The following FBLN7 variants were observed in gnomAD, a reference collection of about 807,000 sequenced individuals.
FBLN7 encodes fibulin-7.
Under a neutral mutation model 44.0 loss-of-function variants are expected in FBLN7, and 31 were observed. The observed-to-expected ratio is 0.70, with a 90% confidence interval of 0.53 to 0.95. The LOEUF (loss-of-function observed/expected upper bound fraction) is 0.95, where lower values mean the gene tolerates loss of function less well. Ranked by LOEUF, FBLN7 falls within the 40% of genes least tolerant of loss-of-function variation. FBLN7 has a pLI of 0.00. For missense variants in FBLN7, 573 were observed against 618.5 expected (o/e 0.93, Z 0.78); for synonymous variants, 262 against 253.4 (o/e 1.03, Z -0.32).
the FBLN7 span, among the ~76,000 whole-genome samples, chr2:112,200,641 TCTCCTGC>T: frequency 6.6e-6 from 1 of 152,152 alleles, no homozygotes; most frequent in Non-Finnish European, 1.5e-5. Flanking sequence ...TTCAAGCTAT[TCTCCTGC>T]CTCAGCCTCA....
At chr2:112,178,672 T>A (rs1477218162) in intron 4 of FBLN7, among the ~76,000 whole-genome samples, 2 of 152,172 alleles carry the variant, frequency 1.3e-5, no homozygotes, top group African/African-American at 4.8e-5. Context: ...GTAGGCTTCC[T>A]CCCCGGGATA....
chr2:112,168,988 C>T (rs1319990748), intron 3 of FBLN7, among the ~76,000 whole-genome samples: 3 of 152,108 alleles, frequency 2.0e-5, no homozygotes, highest in Non-Finnish European at 2.9e-5. Flanking sequence ...AAACAGCAGG[C>T]AGGCCAGGAG....
chr2:112,138,652 C>T lies in FBLN7; in HGVS notation c.-4C>T, dbSNP rs1274276843. On this transcript the variant is annotated 5_prime_UTR_variant, in exon 1 of 8. Transcript: ENST00000331203. ...TCCCAGGCAGCGGGATTCCGACTGG[C>T]AAGATGGTGCCCAGCTCTCCGCGCG... The T allele has an allele frequency of 1.1e-5, 17 of 1,613,866 alleles. No homozygotes were observed. Among genetic ancestry groups the T allele is most frequent in the Middle Eastern group, 1.7e-4 (1 of 5,982 alleles).
the FBLN7 span, among the ~76,000 whole-genome samples, chr2:112,220,611 C>T: frequency 2.6e-5 from 4 of 152,068 alleles, no homozygotes; most frequent in African/African-American, 9.7e-5. Flanking sequence ...CACCTGAGCT[C>T]GGGAGTTCAA....
chr2:112,207,052 T>C, the FBLN7 span, among the ~76,000 whole-genome samples: 10 of 152,382 alleles, frequency 6.6e-5, no homozygotes, highest in Admixed American at 4.6e-4. Context: ...ATTTTTAATC[T>C]ACTTCCATTA....
chr2:112,147,798 G>T (rs1680962496), intron 1 of FBLN7, among the ~76,000 whole-genome samples: 1 of 152,184 alleles, frequency 6.6e-6, no homozygotes, highest in Non-Finnish European at 1.5e-5. Flanking sequence ...TGCTGGACTT[G>T]TCAAATCACT....
At chr2:112,162,340 A>G in intron 2 of FBLN7, among the ~76,000 whole-genome samples, 1 of 145,800 alleles carries the variant, frequency 6.9e-6, no homozygotes. Context: ...TTTTTAAGGG[A>G]ATTTGCTGGG....
the FBLN7 span, chr2:112,230,818 A>G: frequency 5.9e-6 from 5 of 843,994 alleles, no homozygotes; most frequent in Non-Finnish European, 8.2e-6. Context: ...AAATACTTCT[A>G]TTTGAGAACC....
At chr2:112,166,853 C>T (rs1682187389) in intron 3 of FBLN7, among the ~76,000 whole-genome samples, 2 of 152,200 alleles carry the variant, frequency 1.3e-5, no homozygotes, top group South Asian at 4.1e-4. Flanking sequence ...CTGATAGCTG[C>T]CTCGTCCTCT....
At position 112,187,647 on chromosome 2, in the gene FBLN7, C is replaced by A; in HGVS notation, c.*141C>A. On this transcript the variant is annotated 3_prime_UTR_variant, in exon 8 of 8. Coordinates refer to ENST00000331203, the MANE Select transcript of FBLN7 (RefSeq NM_153214.3). This position sits in a 1 kb window ranked among gnomAD's most constrained non-coding sequence, Gnocchi z 5.1. ...CACCCAGGCTTCTAGGGCAGCGTTG[C>A]ACGGCGCCCCATGGAATAGCACGGA... 8.9e-7 allele frequency: 1 copy of A among 1,120,440 alleles called. No individual in the cohort carries two copies. Among genetic ancestry groups the A allele is most frequent in the Non-Finnish European group, 1.3e-6 (1 of 785,544 alleles). 69.4% of individuals were successfully genotyped at this position (1,120,440 alleles called of 1,614,324 possible).
intron 4 of FBLN7, chr2:112,178,058 G>T (rs1682812631): frequency 6.6e-6 from 1 of 151,614 alleles, no homozygotes; most frequent in Admixed American, 6.6e-5. Context: ...AATTCCAGCT[G>T]TTCAGAGGCA....
At chr2:112,158,883 T>G (rs1226266452) in intron 1 of FBLN7, among the ~76,000 whole-genome samples, 3 of 152,132 alleles carry the variant, frequency 2.0e-5, no homozygotes, top group Non-Finnish European at 4.4e-5. Flanking sequence ...CCAGGAAACC[T>G]TGAGAATTTT....
At chr2:112,162,606 G>A (rs374096825) in intron 2 of FBLN7, among the ~76,000 whole-genome samples, 76 of 152,320 alleles carry the variant, frequency 5.0e-4, no homozygotes, top group African/African-American at 1.7e-3. Context: ...AGTAGGATGT[G>A]CTTCTCGCCA....
At chr2:112,172,567 C>G (rs1479771792) in intron 3 of FBLN7, among the ~76,000 whole-genome samples, 1 of 151,388 alleles carries the variant, frequency 6.6e-6, no homozygotes, top group African/African-American at 2.4e-5. Flanking sequence ...GGATCTGTCT[C>G]AGTGCCAGCC....
chr2:112,175,050 C>G (rs183058727), intron 3 of FBLN7, among the ~76,000 whole-genome samples: 1 of 152,222 alleles, frequency 6.6e-6, no homozygotes, highest in African/African-American at 2.4e-5. Flanking sequence ...AAATAACAAT[C>G]TCTCTCTACA....
rs536952219 is a variant in FBLN7, at chr2:112,187,067, C to T, written c.948-67C>T. 162 of 1,557,818 alleles carry T rather than the reference C, an allele frequency of 1.0e-4. No homozygotes were observed. In the East Asian group the frequency reaches 1.6e-3, roughly 15 times the overall value. Reference sequence around the variant, plus strand: ...CTCTGCAAGAGGGCAGGTGGGCAGCCGGGTCAGAGCAGCTCTTCATGAGAC... The same window carrying T: ...CTCTGCAAGAGGGCAGGTGGGCAGCTGGGTCAGAGCAGCTCTTCATGAGAC... On this transcript the variant is annotated intron_variant, in intron 7 of 7. Transcript: ENST00000331203. This position sits in a 1 kb window ranked among gnomAD's most constrained non-coding sequence, Gnocchi z 5.1.
At chr2:112,186,406 G>A (rs1683269298) in intron 7 of FBLN7, among the ~76,000 whole-genome samples, 1 of 152,184 alleles carries the variant, frequency 6.6e-6, no homozygotes, top group African/African-American at 2.4e-5. Flanking sequence ...CTGGGAGGCC[G>A]AGGAGGGCGG....
chr2:112,198,801 A>G, the FBLN7 span, among the ~76,000 whole-genome samples: 1 of 152,162 alleles, frequency 6.6e-6, no homozygotes, highest in Non-Finnish European at 1.5e-5. Context: ...CAACCTCCAG[A>G]ACTGTGAGAA....
intron 1 of FBLN7, among the ~76,000 whole-genome samples, chr2:112,139,772 C>G (rs376614421): frequency 3.9e-3 from 38 of 9,834 alleles, no homozygotes; most frequent in African/African-American, 6.9e-3. Context: ...CCTCTCTCCA[C>G]GCCAGTGTCC....
Sources: gnomAD v4.1 joint callset for allele counts (sites outside exome capture counted in the v4.1 genomes callset) on GRCh38, gnomAD v4.1.1 for gene constraint, Gnocchi (gnomAD v3.1) non-coding constraint, MANE v1.5 for transcripts, NCBI Gene and HGNC (gene_info 2026-07-23, HGNC 2026-07-21) for gene names.